Variants in PIK3C2A observed in about 807,000 individuals in gnomAD.
PIK3C2A encodes the protein phosphatidylinositol 4-phosphate 3-kinase C2 domain-containing subunit alpha.
In PIK3C2A, 97 loss-of-function variants were observed where a neutral mutation model predicts 204.5. That is an observed-to-expected ratio of 0.47 (90% CI 0.40 to 0.56). The LOEUF is 0.56. PIK3C2A is among the 20% of genes least tolerant of loss of function. The probability of loss-of-function intolerance (pLI) is 0.00; values close to 1 mark genes in which losing one functional copy is unlikely to be tolerated. For missense variants in PIK3C2A, 1,735 were observed against 1,969.2 expected (o/e 0.88, Z 2.25); for synonymous variants, 653 against 664.4 (o/e 0.98, Z 0.26).
At chr11:17,112,687 G>C (rs1213458724) in intron 20 of PIK3C2A, 21 bp from the exon 21 acceptor site, 20 of 1,250,792 alleles carry the variant, frequency 1.6e-5, no homozygotes, top group Non-Finnish European at 2.2e-5. Context: ...AACATGTTAA[G>C]CATTAGAAAG....
chr11:17,093,298 G>A lies in PIK3C2A; in HGVS notation c.4451+963C>T, dbSNP rs148221588. Among the ~76,000 whole-genome samples, 155 of 152,286 alleles carry A rather than the reference G, an allele frequency of 1.0e-3. No homozygotes were observed. In the East Asian group the frequency reaches 0.024, roughly 24 times the overall value. ...ATTTATTTTTTTGAGACGGAGTCTC[G>A]CTCTGTTGCCCAGGCTGGAGTGCAG... On this transcript the variant is annotated intron_variant, in intron 28 of 32. Transcript: ENST00000691414.
intron 1 of PIK3C2A, among the ~76,000 whole-genome samples, chr11:17,183,231 T>G (rs1414046080): frequency 6.6e-6 from 1 of 152,196 alleles, no homozygotes; most frequent in Admixed American, 6.5e-5. Context: ...AAGGTTTCAG[T>G]CACCCACAGT....
rs1851241116 is a variant in PIK3C2A at position 17,173,416 on chromosome 11, T to G, written c.-65-3610A>C. ...CTAAACTCAGATATAAGCCTGGCCC[T>G]GCTGTGGCCGTCTTTGTCACCACTT... On this transcript the variant is annotated intron_variant, in intron 1 of 32. Transcript: ENST00000691414. 4.6e-5 allele frequency among the ~76,000 whole-genome samples: 7 copies of G among 152,328 alleles called. No homozygotes were observed. In the South Asian group the frequency reaches 1.4e-3, roughly 32 times the overall value.
At chr11:17,131,207 C>T (rs916000814) in intron 12 of PIK3C2A, among the ~76,000 whole-genome samples, 10 of 151,970 alleles carry the variant, frequency 6.6e-5, no homozygotes, top group African/African-American at 1.7e-4. Flanking sequence ...AAAAAGATAA[C>T]TTTTTTCGTT....
Position 17,108,427 on chromosome 11 carries a change from C to T in PIK3C2A, c.3544+2005G>A, listed in dbSNP as rs369053047. The stretch of plus-strand genomic sequence containing the variant: ...GCCGGCCTCGACAACATAGTGAGAC[C>T]CCTGTCTTTATGAAAAATTTTAAAA... On this transcript the variant is annotated intron_variant, in intron 22 of 32. Transcript: ENST00000691414. Among the ~76,000 whole-genome samples, 38 of 152,092 alleles carry T rather than the reference C, an allele frequency of 2.5e-4. 1 individual carries two copies. The South Asian group carries it at 7.9e-3, about 32-fold the overall frequency.
intron 1 of PIK3C2A, among the ~76,000 whole-genome samples, chr11:17,185,732 T>C (rs976724582): frequency 6.6e-6 from 1 of 152,218 alleles, no homozygotes; most frequent in African/African-American, 2.4e-5. Context: ...CTTCAAAATA[T>C]TTCTGAACCT....
At position 17,089,688 on chromosome 11, in the gene PIK3C2A, C is replaced by A. The variant is rs768141825; in HGVS notation, c.*50G>T. 1 of 1,146,162 alleles carries A rather than the reference C, an allele frequency of 8.7e-7. No homozygotes were observed. Among genetic ancestry groups the A allele is most frequent in the South Asian group, 1.3e-5 (1 of 75,754 alleles). The allele number at this position is 1,146,162 out of a possible 1,614,324, so 71.0% of individuals were successfully genotyped here. ...GTGTCTGTGTGTGTGTGCATGTATG[C>A]ATGCACGTTTATAACTGTTCATGCT... On this transcript the variant is annotated 3_prime_UTR_variant, in exon 33 of 33. Transcript: ENST00000691414.
chr11:17,185,497 A>G (rs1851723238), intron 1 of PIK3C2A, among the ~76,000 whole-genome samples: 2 of 152,198 alleles, frequency 1.3e-5, no homozygotes, highest in Admixed American at 6.5e-5. Context: ...AGTTTTAGGC[A>G]TCCACTGGGG....
chr11:17,090,982 A>G (rs1193892693), intron 32 of PIK3C2A, among the ~76,000 whole-genome samples: 1 of 151,750 alleles, frequency 6.6e-6, no homozygotes. Context: ...CCTGAGCTCA[A>G]GGGATGTATC....
chr11:17,101,893 GCA>G (rs1373822373), intron 24 of PIK3C2A, among the ~76,000 whole-genome samples: 2 of 151,758 alleles, frequency 1.3e-5, no homozygotes, highest in East Asian at 1.9e-4. Flanking sequence ...GTGAGCCACT[GCA>G]CCCGGCCTCT....
chr11:17,110,601 A>C, intron 21 of PIK3C2A, 40 bp from the exon 22 acceptor site: 1 of 1,581,336 alleles, frequency 6.3e-7, no homozygotes, highest in Non-Finnish European at 8.6e-7. Flanking sequence ...GTACATCTCC[A>C]AAAGACTTAA....
chr11:17,149,316 CCTA>C (rs1335757673), intron 4 of PIK3C2A, among the ~76,000 whole-genome samples: 2 of 151,722 alleles, frequency 1.3e-5, no homozygotes, highest in Non-Finnish European at 2.9e-5. Flanking sequence ...TATATATATA[CCTA>C]CTATGTACCC....
chr11:17,202,840 C>A (rs894065731), intron 1 of PIK3C2A, among the ~76,000 whole-genome samples: 2 of 152,088 alleles, frequency 1.3e-5, no homozygotes, highest in African/African-American at 4.8e-5. Flanking sequence ...GTTTTTTAAC[C>A]AAGCTCAGTG....
chr11:17,149,909 A>T (rs1021743846), intron 4 of PIK3C2A, among the ~76,000 whole-genome samples: 4 of 152,186 alleles, frequency 2.6e-5, no homozygotes, highest in African/African-American at 9.7e-5. Flanking sequence ...AAAACAGCAT[A>T]ATTCTTAGGC....
Position 17,099,903 on chromosome 11 carries a change from G to T in PIK3C2A, c.4075C>A (p.Gln1359Lys), listed in dbSNP as rs1848567362. 1.3e-6 allele frequency: 2 copies of T among 1,593,200 alleles called. No individual in the cohort carries two copies. The highest frequency in any genetic ancestry group is 1.7e-6 in the Non-Finnish European group (2 of 1,161,404). The change falls in exon 26 of 33, where the codon CAA becomes AAA. Residue 1359 changes from glutamine to lysine, a missense_variant. Gln to Lys is a moderately conservative substitution (Grantham distance 53). Coordinates refer to ENST00000691414, the MANE Select transcript of PIK3C2A (RefSeq NM_002645.4). ...QDLKYVRDAL[Q>K]PQTTDAEATI... ...GCTTCTGCGTCTGTAGTTTGGGGTT[G>T]AAGTGCATCTCTAACGTATTTCAAA...
At chr11:17,105,965 G>A (rs763948371) in intron 22 of PIK3C2A, among the ~76,000 whole-genome samples, 35 of 150,646 alleles carry the variant, frequency 2.3e-4, no homozygotes, top group African/African-American at 3.7e-4. Flanking sequence ...AAAAATTAGC[G>A]GGGCGTGGTG....
Position 17,169,484 on chromosome 11 carries a change from T to C in PIK3C2A, c.258A>G (p.Arg86=). The C allele has an allele frequency of 1.2e-6, 2 of 1,614,042 alleles. No homozygotes were observed. The highest frequency in any genetic ancestry group is 1.7e-6 in the Non-Finnish European group (2 of 1,179,958). Residue 86 remains arginine (R), a synonymous_variant, in exon 2 of 33, where the codon AGA becomes AGG. Transcript: ENST00000691414. The part of the protein sequence containing the change: ...MVFPESDSQK[R]ALDIDVEKLT... ...GCTTTTCTACATCAATATCTAATGC[T>C]CTTTTTTGGGAATCTGATTCAGGAA...
chr11:17,122,313 T>A lies in PIK3C2A; in HGVS notation c.2532A>T (p.Ala844=), dbSNP rs540683235. The A allele has an allele frequency of 1.3e-6, 2 of 1,548,858 alleles. No homozygotes were observed. The highest frequency in any genetic ancestry group is 2.3e-5 in the South Asian group (2 of 88,556). The change falls in exon 15 of 33, where the codon GCA becomes GCT. Residue 844 remains alanine, a synonymous_variant. Transcript: ENST00000691414. ...GAGGAGTTGTATAAATAATATCAAA[T>A]GCAGGAGAAGGAAAATCAACCTTTA... ...IVLQVDFPSP[A]FDIIYTTPQV... is the part of the protein sequence containing the mutation.
chr11:17,141,506 T>C (rs1684083570), intron 8 of PIK3C2A: 1 of 152,170 alleles, frequency 6.6e-6, no homozygotes, highest in Non-Finnish European at 1.5e-5. Flanking sequence ...TATAAAAAAA[T>C]ACAAAGTTCC....
Sources: allele counts gnomAD v4.1 joint callset (sites outside exome capture counted in the v4.1 genomes callset), GRCh38; gene constraint gnomAD v4.1.1; transcripts MANE v1.5; gene names NCBI Gene and HGNC (gene_info 2026-07-23, HGNC 2026-07-21).